The following LINGO1 variants were observed in gnomAD, a reference collection of about 807,000 sequenced individuals.
LINGO1 encodes the protein leucine-rich repeat and immunoglobulin-like domain-containing nogo receptor-interacting protein 1.
In LINGO1, 11 loss-of-function variants were observed where a neutral mutation model predicts 37.3. The ratio of observed to expected loss-of-function variants is 0.29; its 90% CI spans 0.19 to 0.49. The LOEUF (loss-of-function observed/expected upper bound fraction) is 0.49, where lower values mean the gene tolerates loss of function less well. Among genes scored for constraint, LINGO1 ranks in the 20% least tolerant of loss-of-function variants. The probability of loss-of-function intolerance (pLI) is 0.99; values close to 1 mark genes in which losing one functional copy is unlikely to be tolerated. For synonymous variants in LINGO1, 387 were observed against 403.0 expected (o/e 0.96, Z 0.48); for missense variants, 585 against 878.2 (o/e 0.67, Z 4.22).
rs377630456 is a variant in LINGO1, at chr15:77,679,421, G to A, written c.-98-2247C>T. 1.4e-4 allele frequency among the ~76,000 whole-genome samples: 21 copies of A among 152,306 alleles called. No individual in the cohort carries two copies. The East Asian group carries it at 3.7e-3, about 27-fold the overall frequency. ...GCATCTGGTACTGGATAATGATGAT[G>A]ACGATGATGGTGGTGATGACGGTTG... is the stretch of plus-strand genomic sequence containing the variant. On this transcript the variant is annotated intron_variant, in intron 2 of 3. Coordinates refer to the LINGO1 transcript ENST00000559893.
intron 2 of LINGO1, among the ~76,000 whole-genome samples, chr15:77,793,222 T>G (rs185650439): frequency 1.3e-5 from 2 of 152,112 alleles, no homozygotes; most frequent in Admixed American, 1.3e-4. Flanking sequence ...GGGTCTTGGT[T>G]TAAACACCAC....
chr15:77,753,660 C>A (rs997488092), intron 1 of LINGO1, among the ~76,000 whole-genome samples: 2 of 152,196 alleles, frequency 1.3e-5, no homozygotes, highest in Non-Finnish European at 2.9e-5. Flanking sequence ...GGAGGGTCAG[C>A]CTCAGCCATC....
upstream of LINGO1, among the ~76,000 whole-genome samples, chr15:77,635,372 G>A (rs1385414179): frequency 6.6e-6 from 1 of 152,142 alleles, no homozygotes; most frequent in African/African-American, 2.4e-5. Flanking sequence ...CGGGTCCCTG[G>A]CATTGTCACC....
chr15:77,627,825 A>ATTG (rs2074139443), intron 1 of LINGO1, among the ~76,000 whole-genome samples: 1 of 152,128 alleles, frequency 6.6e-6, no homozygotes, highest in African/African-American at 2.4e-5. Context: ...GTCCTCCCTG[A>ATTG]TTGCTCATAT....
chr15:77,810,241 C>T (rs1229286050), intron 1 of LINGO1, among the ~76,000 whole-genome samples: 2 of 141,298 alleles, frequency 1.4e-5, no homozygotes, highest in East Asian at 4.1e-4. Context: ...CACACACACA[C>T]ACACACACGC....
At chr15:77,780,713 C>T (rs1596224011) in intron 1 of LINGO1, among the ~76,000 whole-genome samples, 1 of 152,044 alleles carries the variant, frequency 6.6e-6, no homozygotes, top group East Asian at 1.9e-4. Flanking sequence ...AGGATGGAGC[C>T]CCAATCTGAG....
intron 2 of LINGO1, among the ~76,000 whole-genome samples, chr15:77,716,978 A>C (rs1007767697): frequency 2.7e-5 from 4 of 150,474 alleles, no homozygotes; most frequent in African/African-American, 9.7e-5. Context: ...GTAGATAAAA[A>C]GAGAAGAGAA....
chr15:77,623,399 C>T (rs1321210737), intron 1 of LINGO1, among the ~76,000 whole-genome samples: 2 of 152,244 alleles, frequency 1.3e-5, no homozygotes, highest in Admixed American at 6.5e-5. Context: ...TTTAAAGATG[C>T]TCCATTCTGG....
At chr15:77,677,372 C>G (rs2075345600) in intron 2 of LINGO1, among the ~76,000 whole-genome samples, 1 of 152,050 alleles carries the variant, frequency 6.6e-6, no homozygotes, top group South Asian at 2.1e-4. Context: ...GTGGCCAGCC[C>G]TTAATGGATC....
At chr15:77,663,250 GGAA>G (rs1238099617) in intron 3 of LINGO1, among the ~76,000 whole-genome samples, 1 of 152,224 alleles carries the variant, frequency 6.6e-6, no homozygotes, top group Admixed American at 6.5e-5. Context: ...GTGCGAGGGC[GGAA>G]GAAGAAAGCG....
chr15:77,758,975 A>G (rs1349382811), intron 1 of LINGO1, among the ~76,000 whole-genome samples: 2 of 152,220 alleles, frequency 1.3e-5, no homozygotes, highest in African/African-American at 2.4e-5. Context: ...CACTCAGCCC[A>G]TAGGGAGCCC....
upstream of LINGO1, chr15:77,820,658 T>TGC (rs1429868107): frequency 6.6e-6 from 1 of 152,502 alleles, no homozygotes; most frequent in Non-Finnish European, 1.5e-5. Flanking sequence ...CACCTCAGTT[T>TGC]ACCCCCTTTG....
In LINGO1 at chr15:77,683,453, A is replaced by G. The variant is rs2075450797; in HGVS notation, c.-98-6279T>C. 2.0e-5 allele frequency among the ~76,000 whole-genome samples: 3 copies of G among 152,348 alleles called. No homozygotes were observed. In the South Asian group the frequency reaches 6.2e-4, roughly 32 times the overall value. ...TATTTGCAAGAGTGAAAAATGGAAG[A>G]CAATCTAAATATCCATCAATCCAGG... On this transcript the variant is annotated intron_variant, in intron 2 of 3. Coordinates refer to the LINGO1 transcript ENST00000559893.
Position 77,765,329 on chromosome 15 carries a change from C to T in LINGO1, c.-257+21540G>A, listed in dbSNP as rs547440534. ...ACTCTGGAGGCTGAGACATGAGAAT[C>T]GCTTGAACCCAGGAGGTCGAGACTG... On this transcript the variant is annotated intron_variant, in intron 1 of 3. Transcript: ENST00000561686. Among the ~76,000 whole-genome samples the T allele has an allele frequency of 2.0e-4, 30 of 151,976 alleles. No homozygotes were observed. The East Asian group carries it at 3.3e-3, about 17-fold the overall frequency.
At chr15:77,621,290 C>T (rs973467950) in intron 1 of LINGO1, among the ~76,000 whole-genome samples, 2 of 152,170 alleles carry the variant, frequency 1.3e-5, no homozygotes, top group African/African-American at 2.4e-5. Flanking sequence ...CCTGAACTCA[C>T]GTGATCCACC....
chr15:77,655,531 T>G (rs1005587129), intron 3 of LINGO1, among the ~76,000 whole-genome samples: 3 of 152,010 alleles, frequency 2.0e-5, no homozygotes, highest in Admixed American at 1.3e-4. Flanking sequence ...GTGTCCCCAG[T>G]GGATGCCGGC....
intron 1 of LINGO1, among the ~76,000 whole-genome samples, chr15:77,808,335 A>C (rs901283428): frequency 6.6e-6 from 1 of 152,136 alleles, no homozygotes; most frequent in Non-Finnish European, 1.5e-5. Flanking sequence ...GCCTTTGCCC[A>C]GATACAGGAG....
intron 3 of LINGO1, among the ~76,000 whole-genome samples, chr15:77,668,607 C>T (rs1478817155): frequency 2.0e-5 from 3 of 152,086 alleles, no homozygotes; most frequent in African/African-American, 7.2e-5. Context: ...GCCAGGGTCA[C>T]GACGCATGCG....
At chr15:77,678,230 T>C (rs770486572) in intron 2 of LINGO1, among the ~76,000 whole-genome samples, 6 of 152,236 alleles carry the variant, frequency 3.9e-5, no homozygotes, top group South Asian at 2.1e-4. Flanking sequence ...GTGCACAGTC[T>C]ATGAGTTTTG....
Sources: gnomAD v4.1 joint callset for allele counts (sites outside exome capture counted in the v4.1 genomes callset) on GRCh38, gnomAD v4.1.1 for gene constraint, MANE v1.5 for transcripts, NCBI Gene and HGNC (gene_info 2026-07-23, HGNC 2026-07-21) for gene names.